Variants in SPIN1 observed in about 807,000 individuals in gnomAD.
The protein encoded by SPIN1 is spindlin-1.
In SPIN1, 3 loss-of-function variants were observed where a neutral mutation model predicts 26.0. The observed-to-expected ratio is 0.12, with a 90% CI of 0.05 to 0.30. SPIN1 has a LOEUF of 0.30. SPIN1 is among the 10% of genes least tolerant of loss of function. SPIN1 has a pLI of 1.00. For missense variants in SPIN1, 126 were observed against 333.4 expected, an observed-to-expected ratio of 0.38 and a Z score of 4.84; for synonymous variants, 101 against 116.5, an observed-to-expected ratio of 0.87 and a Z score of 0.86.
intron 1 of SPIN1, among the ~76,000 whole-genome samples, chr9:88,418,496 T>C (rs1487287854): frequency 2.0e-5 from 3 of 152,216 alleles, no homozygotes; most frequent in Non-Finnish European, 4.4e-5. Context: ...TTAGTACTCC[T>C]GTATACTTTT....
chr9:88,477,139 G>A lies in SPIN1; in HGVS notation c.*1862G>A, dbSNP rs1407318077. 6.6e-6 allele frequency: 1 copy of A among 152,152 alleles called. No individual in the cohort carries two copies. Among genetic ancestry groups the A allele is most frequent in the Admixed American group, 6.5e-5 (1 of 15,276 alleles). The allele number at this position is 152,152 out of a possible 1,614,324, so 9.4% of individuals were successfully genotyped here. On this transcript the variant is annotated 3_prime_UTR_variant, in exon 6 of 6. Coordinates refer to ENST00000375859, the MANE Select transcript of SPIN1 (RefSeq NM_006717.3). The stretch of plus-strand genomic sequence containing the variant: ...AGGTGCTTCTCGTATGTGAACAGGT[G>A]TCATTCTACAGATCTGTTATGTGTT...
intron 1 of SPIN1, among the ~76,000 whole-genome samples, chr9:88,398,907 A>G (rs1827126570): frequency 1.3e-5 from 2 of 150,844 alleles, no homozygotes; most frequent in South Asian, 4.2e-4. Context: ...AGGATCACAT[A>G]AGGTTTAGAA....
rs551785453 is a variant in SPIN1 at position 88,477,541 on chromosome 9, T to G, written c.*2264T>G. On this transcript the variant is annotated 3_prime_UTR_variant, in exon 6 of 6. Coordinates refer to ENST00000375859, the MANE Select transcript of SPIN1 (RefSeq NM_006717.3). ...AGGGCTGAGGGAAAGGGAAGGTTTG[T>G]TTTTTTTTCTCCCCATTTTCCCCCA... 4.0e-5 allele frequency: 6 copies of G among 151,462 alleles called. No homozygotes were observed. Among genetic ancestry groups the G allele is most frequent in the African/African-American group, 1.5e-4 (6 of 41,186 alleles). The allele number at this position is 151,462 out of a possible 1,614,324, so 9.4% of individuals were successfully genotyped here. A position where few individuals can be genotyped will look rare whatever the true frequency, so the allele number is the denominator to read the frequency against.
chr9:88,425,920 G>A (rs556151811), intron 1 of SPIN1, among the ~76,000 whole-genome samples: 7 of 152,058 alleles, frequency 4.6e-5, no homozygotes, highest in Non-Finnish European at 7.4e-5. Context: ...TGCTGCCCCC[G>A]TGCTGTCCTT....
intron 2 of SPIN1, among the ~76,000 whole-genome samples, chr9:88,441,401 G>C (rs945267720): frequency 6.8e-6 from 1 of 146,664 alleles, no homozygotes; most frequent in Non-Finnish European, 1.5e-5. Flanking sequence ...TGCCATTCGT[G>C]TGTGTGTGTG....
Position 88,477,802 on chromosome 9 carries a change from G to A in SPIN1, c.*2525G>A, listed in dbSNP as rs1392567895. 3.3e-5 allele frequency: 5 copies of A among 152,274 alleles called. No individual in the cohort carries two copies. The highest frequency in any genetic ancestry group is 1.2e-4 in the African/African-American group (5 of 41,376). The allele number at this position is 152,274 out of a possible 1,614,324, so 9.4% of individuals were successfully genotyped here. A position where few individuals can be genotyped will look rare whatever the true frequency, so the allele number is the denominator to read the frequency against. Reference sequence around the variant, plus strand: ...CATGAATCTATGTATAAAATTTATCGGCCTTTCTCATTTACCTGCTCTAGT... The same window carrying A: ...CATGAATCTATGTATAAAATTTATCAGCCTTTCTCATTTACCTGCTCTAGT... On this transcript the variant is annotated 3_prime_UTR_variant, in exon 6 of 6. Coordinates refer to ENST00000375859, the MANE Select transcript of SPIN1 (RefSeq NM_006717.3).
chr9:88,440,935 CAAAA>C (rs979550727), intron 2 of SPIN1, among the ~76,000 whole-genome samples: 1 of 146,998 alleles, frequency 6.8e-6, no homozygotes, highest in Non-Finnish European at 1.5e-5. Context: ...TTACAAAAAA[CAAAA>C]AACGCCCCCT....
At chr9:88,466,774 G>T (rs767068765) in intron 4 of SPIN1, among the ~76,000 whole-genome samples, 1 of 152,162 alleles carries the variant, frequency 6.6e-6, no homozygotes, top group Non-Finnish European at 1.5e-5. Flanking sequence ...CCTCACTCCC[G>T]TAGCCCAGGC....
Position 88,390,339 on chromosome 9 carries a change from T to TG in SPIN1, c.-159+1802dup, listed in dbSNP as rs545088219. The stretch of plus-strand genomic sequence containing the variant: ...GGGGTCACAATATTGATGTGCCTGA[T>TG]GTGTGCCCCTCTGCATTTCGTGGGT... On this transcript the variant is annotated intron_variant, in intron 1 of 5. Transcript: ENST00000375859. Among the ~76,000 whole-genome samples the TG allele has an allele frequency of 3.2e-4, 49 of 152,326 alleles. 2 individuals are homozygous for TG. The South Asian group carries it at 0.01, about 32-fold the overall frequency.
At chr9:88,422,527 A>T (rs1215249097) in intron 1 of SPIN1, among the ~76,000 whole-genome samples, 2 of 152,200 alleles carry the variant, frequency 1.3e-5, no homozygotes, top group South Asian at 2.1e-4. Flanking sequence ...CAGGGTTTTC[A>T]TTAGTTAGCA....
intron 1 of SPIN1, among the ~76,000 whole-genome samples, chr9:88,405,645 G>A (rs1393350943): frequency 6.7e-6 from 1 of 148,686 alleles, no homozygotes; most frequent in African/African-American, 2.5e-5. Flanking sequence ...CCGGGTTCAA[G>A]TGATTCTTCT....
At chr9:88,407,469 T>C (rs2117940871) in intron 1 of SPIN1, among the ~76,000 whole-genome samples, 1 of 151,948 alleles carries the variant, frequency 6.6e-6, no homozygotes, top group East Asian at 2.0e-4. Flanking sequence ...ACTTCTGATG[T>C]GTACAGAATT....
At chr9:88,470,689 G>A (rs947983592) in intron 5 of SPIN1, among the ~76,000 whole-genome samples, 3 of 151,942 alleles carry the variant, frequency 2.0e-5, no homozygotes, top group African/African-American at 4.8e-5. Context: ...CCGCCTACTG[G>A]GTTCAAGCCA....
intron 1 of SPIN1, among the ~76,000 whole-genome samples, chr9:88,406,037 G>A (rs77829240): frequency 3.1e-5 from 4 of 129,724 alleles, no homozygotes; most frequent in Non-Finnish European, 4.5e-5. Context: ...GTGTGTGTGT[G>A]TGTGTACGTG....
chr9:88,445,802 A>G (rs1477477008), intron 2 of SPIN1, among the ~76,000 whole-genome samples: 2 of 151,896 alleles, frequency 1.3e-5, no homozygotes, highest in South Asian at 2.1e-4. Context: ...GCCTCTCCCA[A>G]AGTGCTGGGA....
intron 2 of SPIN1, among the ~76,000 whole-genome samples, chr9:88,445,546 T>TTA (rs1828233079): frequency 6.8e-6 from 1 of 147,022 alleles, no homozygotes; most frequent in African/African-American, 2.5e-5. Flanking sequence ...ATTATTATTA[T>TTA]TATTATTATT....
intron 1 of SPIN1, among the ~76,000 whole-genome samples, chr9:88,417,279 G>C (rs1587785300): frequency 6.6e-6 from 1 of 151,980 alleles, no homozygotes; most frequent in African/African-American, 2.4e-5. Context: ...CTCATACTCA[G>C]CACAACACTT....
chr9:88,472,481 C>T (rs1828808794), intron 5 of SPIN1, among the ~76,000 whole-genome samples: 1 of 151,580 alleles, frequency 6.6e-6, no homozygotes, highest in Non-Finnish European at 1.5e-5. Flanking sequence ...TGAGCCGCCG[C>T]GCCTGGCCAC....
At chr9:88,401,449 C>T (rs1015714500) in intron 1 of SPIN1, among the ~76,000 whole-genome samples, 1 of 152,160 alleles carries the variant, frequency 6.6e-6, no homozygotes, top group Admixed American at 6.6e-5. Flanking sequence ...CACCCCACCC[C>T]ATGGATACCA....
Sources: gnomAD v4.1 joint callset for allele counts (sites outside exome capture counted in the v4.1 genomes callset) on GRCh38, gnomAD v4.1.1 for gene constraint, MANE v1.5 for transcripts, NCBI Gene and HGNC (gene_info 2026-07-23, HGNC 2026-07-21) for gene names.